The following SCRN1 variants were observed in gnomAD, a reference collection of about 807,000 sequenced individuals.
SCRN1 encodes secernin-1.
A neutral mutation model predicts 43.3 loss-of-function variants in SCRN1; 19 were observed. That is an observed-to-expected ratio of 0.44 (90% CI 0.31 to 0.64). The LOEUF (loss-of-function observed/expected upper bound fraction) is 0.64, where lower values mean the gene tolerates loss of function less well. Among genes scored for constraint, SCRN1 ranks in the 30% least tolerant of loss-of-function variants. The probability of loss-of-function intolerance (pLI) is 0.09; values close to 1 mark genes in which losing one functional copy is unlikely to be tolerated. For synonymous variants in SCRN1, 183 were observed against 188.9 expected (o/e 0.97, Z 0.26); for missense variants, 447 against 524.1 (o/e 0.85, Z 1.44).
intron 1 of SCRN1, among the ~76,000 whole-genome samples, chr7:29,981,385 T>C (rs115062539): frequency 5.9e-5 from 9 of 152,318 alleles, no homozygotes; most frequent in African/African-American, 1.9e-4. Context: ...GTTTTTATCA[T>C]TTGGAAGAGC....
chr7:29,965,888 T>G lies in SCRN1; in HGVS notation c.159+3021A>C, dbSNP rs1788469747. The stretch of plus-strand genomic sequence containing the variant: ...CTATCCTCCAAAAAAGAAAACAAAT[T>G]TTTTTGAAATATTTATTTCAGACAT... On this transcript the variant is annotated intron_variant, in intron 2 of 7. Transcript: ENST00000242059. This position sits in a 1 kb window ranked among gnomAD's most constrained non-coding sequence, Gnocchi z 4.2. Among the ~76,000 whole-genome samples the G allele has an allele frequency of 6.6e-6, 1 of 152,072 alleles. No individual in the cohort carries two copies. The highest frequency in any genetic ancestry group is 1.5e-5 in the Non-Finnish European group (1 of 68,016).
chr7:29,930,984 A>G (rs75308508), intron 6 of SCRN1, among the ~76,000 whole-genome samples: 5,268 of 152,224 alleles, frequency 0.035, 115 homozygotes, highest in African/African-American at 0.069. Context: ...AAGGGCTGAG[A>G]CACACAGTCC....
At chr7:29,935,656 T>C (rs1583655594) in intron 6 of SCRN1, among the ~76,000 whole-genome samples, 1 of 152,350 alleles carries the variant, frequency 6.6e-6, no homozygotes, top group East Asian at 1.9e-4. Context: ...CAAGTGATTC[T>C]AGCAATGAAC....
chr7:29,951,488 CA>C (rs1412894143), intron 3 of SCRN1, among the ~76,000 whole-genome samples: 1 of 152,206 alleles, frequency 6.6e-6, no homozygotes, highest in Non-Finnish European at 1.5e-5. Context: ...GGAAAAGCAA[CA>C]CCGTAAGGAT....
chr7:29,984,163 A>C (rs929014127), intron 1 of SCRN1, among the ~76,000 whole-genome samples: 1 of 144,594 alleles, frequency 6.9e-6, no homozygotes, highest in South Asian at 2.2e-4. Flanking sequence ...CCAAGATTGC[A>C]CCACTGCACT....
At chr7:29,983,837 C>T (rs572385860) in intron 1 of SCRN1, among the ~76,000 whole-genome samples, 2 of 152,266 alleles carry the variant, frequency 1.3e-5, no homozygotes, top group Admixed American at 1.3e-4. Flanking sequence ...ATGATGAAGA[C>T]TGAATTTGAA....
At chr7:29,951,042 A>G (rs551294050) in intron 3 of SCRN1, among the ~76,000 whole-genome samples, 1 of 152,360 alleles carries the variant, frequency 6.6e-6, no homozygotes, top group African/African-American at 2.4e-5. Flanking sequence ...CAGGTGATGA[A>G]AAGGAGAGAA....
intron 1 of SCRN1, among the ~76,000 whole-genome samples, chr7:29,970,115 T>C (rs1788622019): frequency 1.3e-5 from 2 of 152,212 alleles, no homozygotes; most frequent in Non-Finnish European, 2.9e-5. Flanking sequence ...AAACATTCTC[T>C]GCATTGCAGC....
At chr7:29,928,578 A>G (rs1447443745) in intron 6 of SCRN1, among the ~76,000 whole-genome samples, 2 of 152,230 alleles carry the variant, frequency 1.3e-5, no homozygotes, top group Admixed American at 1.3e-4. Flanking sequence ...TAGATGACGC[A>G]AATATAATTG....
rs774198843 is a variant in SCRN1 at position 29,924,033 on chromosome 7, G to C, written c.1169C>G (p.Ser390Cys). 16 of 1,614,044 alleles carry C rather than the reference G, an allele frequency of 9.9e-6. No individual in the cohort carries two copies. In the Admixed American group the frequency reaches 1.7e-4, roughly 17 times the overall value. ...CACTTCCGCAGGGTCCAGTGGCTCG[G>C]AGCTGGTCAGGATTTCTTCCATGGC... ...LEAMEEILTS[S>C]EPLDPAEVGD... Residue 390 changes from serine (S) to cysteine (C), a missense_variant, in exon 8 of 8, where the codon TCC becomes TGC. By Grantham distance (112) the Ser-to-Cys change is moderately radical. Transcript: ENST00000242059.
At chr7:29,933,013 A>AT (rs1787212085) in intron 6 of SCRN1, among the ~76,000 whole-genome samples, 1 of 151,902 alleles carries the variant, frequency 6.6e-6, no homozygotes, top group African/African-American at 2.4e-5. Context: ...AGTACCTGGG[A>AT]TTACAGGCGT....
chr7:29,942,433 G>A (rs756130350), intron 4 of SCRN1, among the ~76,000 whole-genome samples: 9 of 152,310 alleles, frequency 5.9e-5, no homozygotes, highest in Non-Finnish European at 1.2e-4. Context: ...GCTACATTTT[G>A]AAGAGACGCT....
intron 6 of SCRN1, among the ~76,000 whole-genome samples, chr7:29,932,704 G>A (rs1192676328): frequency 3.5e-5 from 5 of 143,682 alleles, no homozygotes; most frequent in African/African-American, 5.2e-5. Context: ...GAGGAGAAGA[G>A]GAGGAAACAA....
In SCRN1 at chr7:29,923,601, C is replaced by G. The variant is rs896673199; in HGVS notation, c.*356G>C. 5.6e-6 allele frequency: 1 copy of G among 177,116 alleles called. No homozygotes were observed. Among genetic ancestry groups the G allele is most frequent in the Non-Finnish European group, 1.2e-5 (1 of 83,432 alleles). 11.0% of individuals were successfully genotyped at this position (177,116 alleles called of 1,614,324 possible). Reference sequence around the variant, plus strand: ...CAAAAGAATTTGCTTTTCCCGCCAACTCGGCACTGTGAAGCCTGCCTTTCA... The same window carrying G: ...CAAAAGAATTTGCTTTTCCCGCCAAGTCGGCACTGTGAAGCCTGCCTTTCA... On this transcript the variant is annotated 3_prime_UTR_variant, in exon 8 of 8. Coordinates refer to ENST00000242059, the MANE Select transcript of SCRN1 (RefSeq NM_014766.5).
intron 3 of SCRN1, among the ~76,000 whole-genome samples, chr7:29,952,190 T>A (rs943555740): frequency 1.3e-5 from 2 of 152,238 alleles, no homozygotes; most frequent in East Asian, 3.8e-4. Context: ...GCTGGAGAAC[T>A]TGTTAAAACA....
chr7:29,984,729 T>A (rs60272888), intron 1 of SCRN1, among the ~76,000 whole-genome samples: 20,252 of 146,972 alleles, frequency 0.14, 1,493 homozygotes, highest in Middle Eastern at 0.17. Flanking sequence ...GAGACCAGCC[T>A]GGCCAACATG....
chr7:29,952,729 T>C (rs1391651353), intron 3 of SCRN1, among the ~76,000 whole-genome samples: 2 of 151,344 alleles, frequency 1.3e-5, no homozygotes, highest in Non-Finnish European at 2.9e-5. Context: ...GTAATGAGCA[T>C]GAGTTACTTT....
At chr7:29,927,148 A>C (rs1786991161) in intron 6 of SCRN1, among the ~76,000 whole-genome samples, 1 of 152,128 alleles carries the variant, frequency 6.6e-6, no homozygotes, top group African/African-American at 2.4e-5. Context: ...AGAGTAAGAA[A>C]GATGACAGAA....
intron 1 of SCRN1, among the ~76,000 whole-genome samples, chr7:29,986,026 G>C (rs1789139204): frequency 6.6e-6 from 1 of 152,238 alleles, no homozygotes; most frequent in Non-Finnish European, 1.5e-5. Flanking sequence ...CCTGAGGTCA[G>C]GAGTTCGAGA....
Sources: gnomAD v4.1 joint callset for allele counts (sites outside exome capture counted in the v4.1 genomes callset) on GRCh38, gnomAD v4.1.1 for gene constraint, Gnocchi (gnomAD v3.1) non-coding constraint, MANE v1.5 for transcripts, NCBI Gene and HGNC (gene_info 2026-07-23, HGNC 2026-07-21) for gene names.